Variants in SOX5 observed in about 807,000 individuals in gnomAD.
SOX5 encodes the protein transcription factor SOX-5.
A neutral mutation model predicts 92.0 loss-of-function variants in SOX5; 9 were observed. That is an observed-to-expected ratio of 0.10 (90% CI 0.06 to 0.17). The LOEUF is 0.17. Ranked by LOEUF, SOX5 falls within the 10% of genes least tolerant of loss-of-function variation. The probability of loss-of-function intolerance (pLI) is 1.00; values close to 1 mark genes in which losing one functional copy is unlikely to be tolerated. For missense variants in SOX5, 642 were observed against 944.5 expected, an observed-to-expected ratio of 0.68 and a Z score of 4.20; for synonymous variants, 344 against 336.3, an observed-to-expected ratio of 1.02 and a Z score of -0.25.
chr12:24,349,647 A>G (rs1953814971), intron 2 of SOX5, among the ~76,000 whole-genome samples: 1 of 152,226 alleles, frequency 6.6e-6, no homozygotes, highest in Non-Finnish European at 1.5e-5. Flanking sequence ...ATTCTGTTGT[A>G]TGTACATAAC....
At chr12:23,565,093 C>A (rs1301594250) in intron 10 of SOX5, among the ~76,000 whole-genome samples, 1 of 152,100 alleles carries the variant, frequency 6.6e-6, no homozygotes, top group Admixed American at 6.6e-5. Flanking sequence ...GAGCTAAATT[C>A]ATTGGAACTT....
intron 3 of SOX5, among the ~76,000 whole-genome samples, chr12:23,812,727 T>A (rs145082733): frequency 8.0e-4 from 122 of 152,280 alleles, no homozygotes; most frequent in African/African-American, 2.7e-3. Flanking sequence ...CTTTAAAGCC[T>A]GAAATATCAA....
At chr12:23,538,799 CTTTTTTTT>C (rs67268404) in intron 13 of SOX5, among the ~76,000 whole-genome samples, 3 of 108,132 alleles carry the variant, frequency 2.8e-5, no homozygotes, top group East Asian at 2.8e-4. Flanking sequence ...CCAGCATTTT[CTTTTTTTT>C]TTTTTTTTTT....
At chr12:23,719,316 C>T (rs1478713603) in intron 6 of SOX5, among the ~76,000 whole-genome samples, 2 of 152,186 alleles carry the variant, frequency 1.3e-5, no homozygotes, top group East Asian at 3.9e-4. Flanking sequence ...ATGTTGGCTA[C>T]ATGAGAGATA....
intron 4 of SOX5, among the ~76,000 whole-genome samples, chr12:23,992,883 C>T (rs754516366): frequency 5.3e-5 from 8 of 152,282 alleles, no homozygotes; most frequent in Non-Finnish European, 8.8e-5. Flanking sequence ...AAAGACAAGA[C>T]TCTATGCTGG....
intron 4 of SOX5, among the ~76,000 whole-genome samples, chr12:24,188,142 T>TA (rs1956193044): frequency 6.6e-6 from 1 of 152,154 alleles, no homozygotes; most frequent in Non-Finnish European, 1.5e-5. Flanking sequence ...GTCTGAATGC[T>TA]TCTCTTTTCA....
At chr12:24,039,123 G>C (rs544530716) in intron 4 of SOX5, among the ~76,000 whole-genome samples, 1 of 152,164 alleles carries the variant, frequency 6.6e-6, no homozygotes, top group East Asian at 1.9e-4. Context: ...ATTTCTAATG[G>C]TAAATACTAA....
intron 1 of SOX5, among the ~76,000 whole-genome samples, chr12:24,461,663 T>G (rs1943647491): frequency 6.6e-6 from 1 of 152,186 alleles, no homozygotes; most frequent in Non-Finnish European, 1.5e-5. Flanking sequence ...TGTCTAGTAA[T>G]TTTTCAAACT....
chr12:23,827,242 T>C (rs2096248206), intron 3 of SOX5, among the ~76,000 whole-genome samples: 1 of 152,234 alleles, frequency 6.6e-6, no homozygotes, highest in African/African-American at 2.4e-5. Flanking sequence ...GTCTCTTAAC[T>C]GTCCATTTCA....
intron 2 of SOX5, among the ~76,000 whole-genome samples, chr12:24,327,839 G>A (rs1012553723): frequency 1.3e-5 from 2 of 151,506 alleles, no homozygotes; most frequent in Admixed American, 6.6e-5. Context: ...TGATCCGCCC[G>A]CCTCAGCCTC....
chr12:24,265,879 C>T (rs899874947), intron 3 of SOX5, among the ~76,000 whole-genome samples: 3 of 152,056 alleles, frequency 2.0e-5, no homozygotes, highest in East Asian at 1.9e-4. Context: ...GCATCATACA[C>T]GACCACCACA....
chr12:23,533,652 G>A lies in SOX5; in HGVS notation c.*567C>T. Reference sequence around the variant, plus strand: ...CAGACTTCCATCTTTAAAGTAGAGAGATGGAGAAGGTGGAGAGAAGTAAAG... The same window carrying A: ...CAGACTTCCATCTTTAAAGTAGAGAAATGGAGAAGGTGGAGAGAAGTAAAG... On this transcript the variant is annotated 3_prime_UTR_variant, in exon 15 of 15. Transcript: ENST00000451604. The A allele has an allele frequency of 6.5e-6, 1 of 152,700 alleles. No homozygotes were observed. The highest frequency in any genetic ancestry group is 1.9e-4 in the East Asian group (1 of 5,204). The allele number at this position is 152,700 out of a possible 1,614,324, so 9.5% of individuals were successfully genotyped here.
chr12:23,994,937 C>T (rs953710879), intron 4 of SOX5, among the ~76,000 whole-genome samples: 14 of 152,106 alleles, frequency 9.2e-5, no homozygotes, highest in South Asian at 2.1e-4. Context: ...GATCACAAAG[C>T]GACATAAATT....
chr12:24,386,361 ATATTTTACT>A (rs1041389553), intron 1 of SOX5, among the ~76,000 whole-genome samples: 17 of 152,176 alleles, frequency 1.1e-4, no homozygotes, highest in Non-Finnish European at 2.5e-4. Context: ...TCTGGGCTTT[ATATTTTACT>A]TTTATAGTAC....
intron 4 of SOX5, among the ~76,000 whole-genome samples, chr12:24,191,797 G>C (rs1052414703): frequency 6.6e-6 from 1 of 152,152 alleles, no homozygotes; most frequent in African/African-American, 2.4e-5. Flanking sequence ...GTGTGTCCTA[G>C]ATATGGTAAG....
Position 24,171,216 on chromosome 12 carries a change from TGTTTG to T in SOX5, c.-2+42122_-2+42126del, listed in dbSNP as rs1565581021. On this transcript the variant is annotated intron_variant, in intron 4 of 4. Coordinates refer to the SOX5 transcript ENST00000446891. Reference sequence around the variant, plus strand: ...TATTTCATTGGCCAACAGTTTTTTTTGTTTGTTTGTTTGTTTTTTTTTTTGGAGAC... The same window carrying T: ...TATTTCATTGGCCAACAGTTTTTTTTTTTGTTTGTTTTTTTTTTTGGAGAC... Among the ~76,000 whole-genome samples the T allele has an allele frequency of 2.2e-3, 114 of 50,844 alleles. 6 individuals are homozygous for T. The highest frequency in any genetic ancestry group is 2.8e-3 in the African/African-American group (31 of 11,234). The allele number at this position is 50,844 out of a possible 152,430, so 33.4% of individuals were successfully genotyped here.
At chr12:23,876,419 A>C (rs993472418) in intron 2 of SOX5, among the ~76,000 whole-genome samples, 2 of 152,260 alleles carry the variant, frequency 1.3e-5, no homozygotes, top group Non-Finnish European at 1.5e-5. Flanking sequence ...AATCAAAACC[A>C]CAATGAGATA....
At chr12:24,021,656 T>C (rs1954305239) in intron 4 of SOX5, among the ~76,000 whole-genome samples, 1 of 152,184 alleles carries the variant, frequency 6.6e-6, no homozygotes, top group Non-Finnish European at 1.5e-5. Context: ...TTTGGCCTAA[T>C]GGAATCAGCA....
chr12:23,774,948 A>T (rs2095051982), intron 3 of SOX5, among the ~76,000 whole-genome samples: 1 of 152,210 alleles, frequency 6.6e-6, no homozygotes, highest in Non-Finnish European at 1.5e-5. Flanking sequence ...CTTTTAAAAT[A>T]TTCAAAATTC....
Sources: allele counts gnomAD v4.1 joint callset (sites outside exome capture counted in the v4.1 genomes callset), GRCh38; gene constraint gnomAD v4.1.1; transcripts MANE v1.5; gene names NCBI Gene and HGNC (gene_info 2026-07-23, HGNC 2026-07-21).